ITGA9: variants seen among roughly 807,000 people sequenced by gnomAD.
ITGA9 encodes integrin alpha-9.
A neutral mutation model predicts 127.8 loss-of-function variants in ITGA9; 56 were observed. The ratio of observed to expected loss-of-function variants is 0.44; its 90% CI spans 0.35 to 0.55. The LOEUF (loss-of-function observed/expected upper bound fraction) is 0.55, where lower values mean the gene tolerates loss of function less well. Among genes scored for constraint, ITGA9 ranks in the 20% least tolerant of loss-of-function variants. ITGA9 has a pLI of 0.00. For missense variants in ITGA9, 1,196 were observed against 1,347.1 expected, an observed-to-expected ratio of 0.89 and a Z score of 1.76; for synonymous variants, 508 against 514.5, an observed-to-expected ratio of 0.99 and a Z score of 0.17.
chr3:37,535,564 T>C (rs1298138003), intron 14 of ITGA9, among the ~76,000 whole-genome samples: 1 of 152,198 alleles, frequency 6.6e-6, no homozygotes, highest in Non-Finnish European at 1.5e-5. Flanking sequence ...AGGCTGGCAG[T>C]TGGATGGCAT....
rs559066024 is a variant in ITGA9 at position 37,637,008 on chromosome 3, C to T, written c.1839+7672C>T. On this transcript the variant is annotated intron_variant, in intron 16 of 27. Transcript: ENST00000264741. Reference sequence around the variant, plus strand: ...TTGGTCTATATCTCTGTTTTGGTACCAGTACCATGCTGTTTTGGTTACTGT... The same window carrying T: ...TTGGTCTATATCTCTGTTTTGGTACTAGTACCATGCTGTTTTGGTTACTGT... Among the ~76,000 whole-genome samples the T allele has an allele frequency of 1.6e-4, 25 of 152,238 alleles. No homozygotes were observed. In the South Asian group the frequency reaches 5.2e-3, roughly 32 times the overall value.
intron 17 of ITGA9, among the ~76,000 whole-genome samples, chr3:37,659,484 T>G (rs1046547951): frequency 6.6e-6 from 1 of 151,984 alleles, no homozygotes; most frequent in African/African-American, 2.4e-5. Flanking sequence ...TGTTGATACT[T>G]GTGTATGCTT....
chr3:37,676,389 A>G (rs1700682694), intron 17 of ITGA9, among the ~76,000 whole-genome samples: 1 of 152,210 alleles, frequency 6.6e-6, no homozygotes, highest in African/African-American at 2.4e-5. Context: ...CTGGTCTAGC[A>G]CATGAACTTC....
At chr3:37,520,664 A>T (rs1219861140) in intron 11 of ITGA9, among the ~76,000 whole-genome samples, 2 of 152,196 alleles carry the variant, frequency 1.3e-5, no homozygotes, top group Non-Finnish European at 2.9e-5. Flanking sequence ...ATAACAGGAG[A>T]TTAATAAACT....
At chr3:37,745,806 A>G (rs970698519) in intron 22 of ITGA9, 1 of 152,218 alleles carries the variant, frequency 6.6e-6, no homozygotes, top group African/African-American at 2.4e-5. Flanking sequence ...TATTCAGGCA[A>G]ATAGTTTTCT....
At chr3:37,472,182 C>T (rs1025387594) in intron 2 of ITGA9, among the ~76,000 whole-genome samples, 5 of 152,230 alleles carry the variant, frequency 3.3e-5, no homozygotes. Flanking sequence ...CCTATAGCTT[C>T]TTGGGCCTCA....
At chr3:37,635,018 A>G (rs894143832) in intron 16 of ITGA9, among the ~76,000 whole-genome samples, 2 of 152,256 alleles carry the variant, frequency 1.3e-5, no homozygotes, top group African/African-American at 4.8e-5. Flanking sequence ...AAATAATTCA[A>G]AGGGAAATTT....
chr3:37,600,119 C>G (rs1406250509), intron 15 of ITGA9, among the ~76,000 whole-genome samples: 4 of 152,138 alleles, frequency 2.6e-5, no homozygotes, highest in African/African-American at 4.8e-5. Context: ...CATTACTGAG[C>G]CTTCCTCAAG....
intron 15 of ITGA9, among the ~76,000 whole-genome samples, chr3:37,588,827 A>G (rs1575159329): frequency 6.6e-6 from 1 of 152,166 alleles, no homozygotes; most frequent in Admixed American, 6.5e-5. Flanking sequence ...TGATGGCTGG[A>G]GCCCTGGGGG....
intron 26 of ITGA9, among the ~76,000 whole-genome samples, chr3:37,792,760 G>A (rs1697126971): frequency 6.6e-6 from 1 of 152,166 alleles, no homozygotes; most frequent in South Asian, 2.1e-4. Flanking sequence ...GGGCAAAGGT[G>A]GAAATAAGGA....
At chr3:37,809,365 T>A (rs1697339053) in intron 27 of ITGA9, among the ~76,000 whole-genome samples, 1 of 152,136 alleles carries the variant, frequency 6.6e-6, no homozygotes, top group Non-Finnish European at 1.5e-5. Flanking sequence ...GGATTACAGG[T>A]GTGAGCCACC....
intron 23 of ITGA9, among the ~76,000 whole-genome samples, chr3:37,757,234 GT>G (rs904010589): frequency 6.6e-6 from 1 of 151,742 alleles, no homozygotes; most frequent in African/African-American, 2.4e-5. Flanking sequence ...ATCAAAAGCT[GT>G]TTTTTTGTCC....
intron 20 of ITGA9, among the ~76,000 whole-genome samples, chr3:37,739,392 G>C (rs900199678): frequency 8.5e-5 from 13 of 152,200 alleles, no homozygotes; most frequent in Non-Finnish European, 1.8e-4. Flanking sequence ...TCAGGCATTG[G>C]TGAAGATATG....
rs376853561 is a variant in ITGA9 at position 37,818,858 on chromosome 3, C to A, written c.3010-33C>A. ...CACAATGGCTGATTCTTCAGCACTT[C>A]TAACTCAGCTTCTCTTTCTTTCTGC... is the stretch of plus-strand genomic sequence containing the variant. On this transcript the variant is annotated intron_variant, in intron 27 of 27. Transcript: ENST00000264741. The A allele has an allele frequency of 2.0e-5, 31 of 1,536,578 alleles. No individual in the cohort carries two copies. The Middle Eastern group carries it at 2.8e-3, about 138-fold the overall frequency.
intron 4 of ITGA9, among the ~76,000 whole-genome samples, chr3:37,490,975 C>CCTTTTTTTTTTTTTTT (rs548395527): frequency 9.5e-6 from 1 of 105,104 alleles, no homozygotes; most frequent in African/African-American, 3.6e-5. Flanking sequence ...TTCCCCCCCG[C>CCTTTTTTTTTTTTTTT]TTTTTTTTTT....
At chr3:37,725,191 G>A (rs1164899346) in intron 18 of ITGA9, among the ~76,000 whole-genome samples, 2 of 152,178 alleles carry the variant, frequency 1.3e-5, no homozygotes, top group African/African-American at 4.8e-5. Flanking sequence ...ATTCCAGTGG[G>A]AGGTTCATAT....
At chr3:37,773,319 G>A (rs1392667154) in intron 23 of ITGA9, among the ~76,000 whole-genome samples, 3 of 152,230 alleles carry the variant, frequency 2.0e-5, no homozygotes, top group Non-Finnish European at 2.9e-5. Flanking sequence ...AATCTCAGCA[G>A]AGGAATGTGC....
In ITGA9 at chr3:37,814,699, G is replaced by GA. The variant is rs1320664468; in HGVS notation, c.3010-4188dup. Among the ~76,000 whole-genome samples the GA allele has an allele frequency of 1.3e-5, 2 of 152,126 alleles. No homozygotes were observed. Among genetic ancestry groups the GA allele is most frequent in the Admixed American group, 6.6e-5 (1 of 15,258 alleles). ...ACTTCCATCTGTCAGAAAAAATTCA[G>GA]AAAACTCTGATTTTATGAGAACAAG... On this transcript the variant is annotated intron_variant, in intron 27 of 27. Transcript: ENST00000264741. The surrounding 1 kb of genome is among the most constrained non-coding windows in gnomAD (Gnocchi z 4.3).
At chr3:37,514,294 G>T (rs1021990631) in intron 9 of ITGA9, among the ~76,000 whole-genome samples, 1 of 152,190 alleles carries the variant, frequency 6.6e-6, no homozygotes. Flanking sequence ...AAGTGGGGCT[G>T]GGATTTGAAC....
Sources: gnomAD v4.1 joint callset for allele counts (sites outside exome capture counted in the v4.1 genomes callset) on GRCh38, gnomAD v4.1.1 for gene constraint, Gnocchi (gnomAD v3.1) non-coding constraint, MANE v1.5 for transcripts, NCBI Gene and HGNC (gene_info 2026-07-23, HGNC 2026-07-21) for gene names.